Variants in DPAGT1 observed in about 807,000 individuals in gnomAD.
DPAGT1 encodes the protein dolichyl-phosphate N-acetylglucosaminephosphotransferase 1, also known as UDP-N-acetylglucosamine--dolichyl-phosphate N-acetylglucosaminephosphotransferase.
A neutral mutation model predicts 39.3 loss-of-function variants in DPAGT1; 25 were observed. The ratio of observed to expected loss-of-function variants is 0.64; its 90% CI spans 0.46 to 0.89. The LOEUF (loss-of-function observed/expected upper bound fraction) is 0.89. Ranked by LOEUF, DPAGT1 falls within the 40% of genes least tolerant of loss-of-function variation. The probability of loss-of-function intolerance (pLI) is 0.00; values close to 1 mark genes in which losing one functional copy is unlikely to be tolerated. For synonymous variants in DPAGT1, 193 were observed against 201.4 expected, an observed-to-expected ratio of 0.96 and a Z score of 0.36; for missense variants, 381 against 500.6, an observed-to-expected ratio of 0.76 and a Z score of 2.28.
intron 3 of DPAGT1, 66 bp from the exon 4 acceptor site, chr11:119,100,474 GA>G: frequency 6.2e-7 from 1 of 1,611,914 alleles, no homozygotes; most frequent in Admixed American, 1.7e-5. Context: ...AGAATTTTTA[GA>G]AAAGTGGTGA....
At chr11:119,094,275 T>C (rs944505751), downstream of DPAGT1, 6 of 152,260 alleles carry the variant, frequency 3.9e-5, no homozygotes, top group East Asian at 1.9e-4. Flanking sequence ...TGAATGAAGA[T>C]GGAGGGAGAG....
At chr11:119,099,735 C>T (rs1025839439) in intron 4 of DPAGT1, among the ~76,000 whole-genome samples, 4 of 143,734 alleles carry the variant, frequency 2.8e-5, no homozygotes, top group African/African-American at 7.8e-5. Context: ...GAGCTAAGAT[C>T]GCGCCACTGC....
In DPAGT1 at chr11:119,097,352, T is replaced by G; in HGVS notation, c.1006-55A>C. On this transcript the variant is annotated intron_variant, in intron 7 of 8. Coordinates refer to ENST00000354202, the MANE Select transcript of DPAGT1 (RefSeq NM_001382.4). The surrounding 1 kb of genome is among the most constrained non-coding windows in gnomAD (Gnocchi z 4.6). ...AGCTAATACCTATGCTTTAGGAATG[T>G]GGATCTATTTAATGCTTTCAAGTTC... 1 of 1,613,332 alleles carries G rather than the reference T, an allele frequency of 6.2e-7. No individual in the cohort carries two copies. The highest frequency in any genetic ancestry group is 1.1e-5 in the South Asian group (1 of 91,048).
chr11:119,097,894 A>G lies in DPAGT1; in HGVS notation c.878T>C (p.Leu293Pro), dbSNP rs1346394445. ...GCGAGGGCAGGGGATGATATGCAGG[A>G]GCTGAGGCAGTGAGTAGAGGAAGTT... ...VFNFLYSLPQ[L>P]LHIIPCPRHR... The change falls in exon 6 of 9, where the codon CTC becomes CCC. Residue 293 changes from leucine to proline, a missense_variant. By Grantham distance (98) the Leu-to-Pro change is moderately conservative. Coordinates refer to ENST00000354202, the MANE Select transcript of DPAGT1 (RefSeq NM_001382.4). This position sits in a 1 kb window ranked among gnomAD's most constrained non-coding sequence, Gnocchi z 4.6. 6.2e-7 allele frequency: 1 copy of G among 1,614,096 alleles called. No individual in the cohort carries two copies. The highest frequency in any genetic ancestry group is 8.5e-7 in the Non-Finnish European group (1 of 1,180,062).
Position 119,096,821 on chromosome 11 carries a change from C to A in DPAGT1, c.*177G>T. ...AATCCAATCAGTAGTCAGCAGAGGG[C>A]AAGAAACGCCCAGGATGCCAATGAT... On this transcript the variant is annotated 3_prime_UTR_variant, in exon 9 of 9. Coordinates refer to ENST00000354202, the MANE Select transcript of DPAGT1 (RefSeq NM_001382.4). The A allele has an allele frequency of 1.3e-6, 1 of 767,846 alleles. No individual in the cohort carries two copies. The highest frequency in any genetic ancestry group is 2.2e-6 in the Non-Finnish European group (1 of 458,624). The allele number at this position is 767,846 out of a possible 1,614,324, so 47.6% of individuals were successfully genotyped here.
rs1442600070 is a variant in DPAGT1 at position 119,097,771 on chromosome 11, C to T, written c.917+84G>A. ...AATAGCCCTTCTTTGGGCCCACTCC[C>T]TTTGCACAGCAAATGTATAGGCTGG... On this transcript the variant is annotated intron_variant, in intron 6 of 8. Coordinates refer to ENST00000354202, the MANE Select transcript of DPAGT1 (RefSeq NM_001382.4). The surrounding 1 kb of genome is among the most constrained non-coding windows in gnomAD (Gnocchi z 4.6). 1.3e-6 allele frequency: 2 copies of T among 1,588,362 alleles called. No homozygotes were observed. The highest frequency in any genetic ancestry group is 2.7e-5 in the African/African-American group (2 of 74,288).
intron 4 of DPAGT1, among the ~76,000 whole-genome samples, 177 bp from the exon 5 acceptor site, chr11:119,098,664 T>A (rs1297431505): frequency 6.6e-6 from 1 of 152,228 alleles, no homozygotes; most frequent in African/African-American, 2.4e-5. Flanking sequence ...TCCACCTCTT[T>A]CGTGCAGCCT....
intron 1 of DPAGT1, 42 bp from the exon 2 acceptor site, chr11:119,101,180 G>A (rs374429520): frequency 6.2e-7 from 1 of 1,612,794 alleles, no homozygotes. Flanking sequence ...AGAGGAAAGG[G>A]GGCGTGGTCA....
In DPAGT1 at chr11:119,101,519, AGG is replaced by A. The variant is rs775408912; in HGVS notation, c.135_136del (p.Leu46GlnfsTer42). The A allele has an allele frequency of 1.9e-6, 3 of 1,614,084 alleles. No homozygotes were observed. Among genetic ancestry groups the A allele is most frequent in the Non-Finnish European group, 2.5e-6 (3 of 1,179,984 alleles). On this transcript the variant is annotated frameshift_variant, in exon 1 of 9. Coordinates refer to ENST00000354202, the MANE Select transcript of DPAGT1 (RefSeq NM_001382.4). LOFTEE classifies it high-confidence loss of function. ...CATCTGCTGTCGGCTGGTTTTGTTG[AGG>A]TCCTGACCACAGAGGCGCGCAGCAA...
At chr11:119,094,257 C>T (rs562765455), downstream of DPAGT1, 2 of 152,432 alleles carry the variant, frequency 1.3e-5, no homozygotes, top group African/African-American at 4.8e-5. Flanking sequence ...GGCCCCAGCG[C>T]AGACCTATGA....
chr11:119,095,115 G>A, downstream of DPAGT1: 1 of 1,614,022 alleles, frequency 6.2e-7, no homozygotes. Flanking sequence ...AGCTTGTTGA[G>A]CTCCTCGTCG....
In DPAGT1 at chr11:119,101,115, C is replaced by G. The variant is rs775527214; in HGVS notation, c.185G>C (p.Ser62Thr). 1.9e-6 allele frequency: 3 copies of G among 1,614,142 alleles called. No homozygotes were observed. The highest frequency in any genetic ancestry group is 2.2e-5 in the South Asian group (2 of 91,078). Residue 62 changes from serine (S) to threonine (T), a missense_variant, in exon 2 of 9, where the codon AGC becomes ACC. Transcript: ENST00000354202. The part of the protein sequence containing the change: ...QQIPESQGVI[S>T]GAVFLIILFC... The stretch of plus-strand genomic sequence containing the variant: ...GAGGATGATAAGGAAAACAGCACCG[C>G]TGATCACTCCCTGGGATTCTGGGCT...
chr11:119,094,829 GGGAA>G (rs1285410160), downstream of DPAGT1: 1 of 958,900 alleles, frequency 1.0e-6, no homozygotes, highest in Non-Finnish European at 1.5e-6. Flanking sequence ...GGGAGGGGAG[GGGAA>G]GGGAGCCGCG....
intron 5 of DPAGT1, 159 bp downstream of exon 5, chr11:119,098,244 C>T (rs1230901480): frequency 9.1e-7 from 1 of 1,100,518 alleles, no homozygotes; most frequent in Non-Finnish European, 1.4e-6. Context: ...CTAACTACTA[C>T]TGGGTAGAGA....
Position 119,098,176 on chromosome 11 carries a change from C to G in DPAGT1, c.729-133G>C. ...AGAGGAGACTCCAGTTGTGCAGCAA[C>G]TCTGCAGGATCCAAGGCCCTGAATT... is the stretch of plus-strand genomic sequence containing the variant. On this transcript the variant is annotated intron_variant, in intron 5 of 8. Transcript: ENST00000354202. 3.1e-6 allele frequency: 4 copies of G among 1,290,464 alleles called. No homozygotes were observed. The South Asian group carries it at 4.9e-5, about 16-fold the overall frequency. The allele number at this position is 1,290,464 out of a possible 1,614,324, so 79.9% of individuals were successfully genotyped here. A position where few individuals can be genotyped will look rare whatever the true frequency, so the allele number is the denominator to read the frequency against.
chr11:119,097,174 T>G lies in DPAGT1; in HGVS notation c.1129A>C (p.Arg377=). Residue 377 remains arginine (R), a synonymous_variant, in exon 8 of 9, where the codon AGA becomes CGA. Transcript: ENST00000354202. The surrounding 1 kb of genome is among the most constrained non-coding windows in gnomAD (Gnocchi z 4.6). ...AGCAGCAGGAGCAATGTGAGGTTTCTCTCATGTATGGGCCCAAGGACTTTA... is the reference window on the plus strand; with the variant it reads ...AGCAGCAGGAGCAATGTGAGGTTTCGCTCATGTATGGGCCCAAGGACTTTA... ...LLKVLGPIHE[R]NLTLLLLLLQ... is the part of the protein sequence containing the mutation. The G allele has an allele frequency of 6.2e-7, 1 of 1,614,168 alleles. No individual in the cohort carries two copies. Among genetic ancestry groups the G allele is most frequent in the Non-Finnish European group, 8.5e-7 (1 of 1,180,024 alleles).
chr11:119,101,310 C>T (rs112371296), intron 1 of DPAGT1, 172 bp from the exon 2 acceptor site: 94 of 1,376,460 alleles, frequency 6.8e-5, no homozygotes, highest in Middle Eastern at 2.5e-4. Context: ...CCAGATATAC[C>T]CAAGGGTCCC....
In DPAGT1 at chr11:119,097,282, G is replaced by C. The variant is rs1399710459; in HGVS notation, c.1021C>G (p.Gln341Glu). The part of the protein sequence containing the change: ...TFILKVAESL[Q>E]LVTVHQSETE... ...TCACTCTGGTGTACTGTCACCAGCTGGAGGCTCTCTGCCACCTGGAGGGAC... is the reference window on the plus strand; with the variant it reads ...TCACTCTGGTGTACTGTCACCAGCTCGAGGCTCTCTGCCACCTGGAGGGAC... Residue 341 changes from glutamine to glutamate, a missense_variant, in exon 8 of 9, where the codon CAG (glutamine) becomes GAG (glutamate). Transcript: ENST00000354202. The surrounding 1 kb of genome is among the most constrained non-coding windows in gnomAD (Gnocchi z 4.6). The C allele has an allele frequency of 1.2e-6, 2 of 1,614,154 alleles. No homozygotes were observed. Among genetic ancestry groups the C allele is most frequent in the South Asian group, 2.2e-5 (2 of 91,076 alleles).
downstream of DPAGT1, among the ~76,000 whole-genome samples, chr11:119,096,108 A>C (rs1779811996): frequency 6.6e-6 from 1 of 152,162 alleles, no homozygotes; most frequent in Admixed American, 6.5e-5. Flanking sequence ...TGGTACTACA[A>C]GTGCTCCACC....
Sources: gnomAD v4.1 joint callset for allele counts (sites outside exome capture counted in the v4.1 genomes callset) on GRCh38, gnomAD v4.1.1 for gene constraint, Gnocchi (gnomAD v3.1) non-coding constraint, MANE v1.5 for transcripts, NCBI Gene and HGNC (gene_info 2026-07-23, HGNC 2026-07-21) for gene names.